The following SCOC variants were observed in gnomAD, a reference collection of about 807,000 sequenced individuals.
SCOC encodes short coiled coil protein.
In SCOC, 7 loss-of-function variants were observed where a neutral mutation model predicts 9.9. The ratio of observed to expected loss-of-function variants is 0.71; its 90% CI spans 0.40 to 1.33. SCOC has a LOEUF of 1.33. Ranked by LOEUF, SCOC falls within the 40% of genes most tolerant of loss-of-function variation. The pLI, the probability that SCOC is intolerant of heterozygous loss-of-function variation, is 0.01. For missense variants in SCOC, 66 were observed against 89.7 expected (o/e 0.74, Z 1.07); for synonymous variants, 19 against 28.2 (o/e 0.67, Z 1.03).
chr4:140,341,089 A>G (rs1726498157), upstream of SCOC, among the ~76,000 whole-genome samples: 1 of 151,962 alleles, frequency 6.6e-6, no homozygotes, highest in Non-Finnish European at 1.5e-5. Flanking sequence ...AGCCCAGCCG[A>G]GTTTTCTTTC....
intron 1 of SCOC, among the ~76,000 whole-genome samples, chr4:140,291,857 C>T (rs1234934534): frequency 6.6e-6 from 1 of 152,156 alleles, no homozygotes; most frequent in Non-Finnish European, 1.5e-5. Context: ...TGATGAATTT[C>T]CTTTCCCCAG....
intron 1 of SCOC, among the ~76,000 whole-genome samples, chr4:140,308,518 A>G (rs1169249761): frequency 6.6e-6 from 1 of 152,044 alleles, no homozygotes; most frequent in African/African-American, 2.4e-5. Flanking sequence ...GCCTCAGATC[A>G]CCCTCCTGCC....
Position 140,276,036 on chromosome 4 carries a change from C to T in SCOC, c.-19+18626C>T, listed in dbSNP as rs1383306594. ...TTGTTGTTGTTGAGACGGAGTCTCA[C>T]GATGTTGCCCAGGCTGTAGTGCAGT... is the stretch of plus-strand genomic sequence containing the variant. On this transcript the variant is annotated intron_variant, in intron 1 of 4. Transcript: ENST00000394205. 3.3e-5 allele frequency among the ~76,000 whole-genome samples: 5 copies of T among 151,814 alleles called. No homozygotes were observed. In the East Asian group the frequency reaches 7.7e-4, roughly 24 times the overall value.
At chr4:140,362,306 TTTTTTTTTTGTGAGAG>T (rs1727589300) in intron 2 of SCOC, among the ~76,000 whole-genome samples, 1 of 52,562 alleles carries the variant, frequency 1.9e-5, no homozygotes, top group African/African-American at 5.9e-5. Context: ...CTTCTTTTTT[TTTTTTTTTTGTGAGAG>T]TCTCGCTCTG....
intron 1 of SCOC, among the ~76,000 whole-genome samples, chr4:140,270,455 T>G (rs949817348): frequency 6.6e-6 from 1 of 152,110 alleles, no homozygotes; most frequent in African/African-American, 2.4e-5. Flanking sequence ...CACCTTACCC[T>G]CCCTAGTAGC....
At chr4:140,264,333 G>T (rs968745753) in intron 1 of SCOC, among the ~76,000 whole-genome samples, 1 of 152,116 alleles carries the variant, frequency 6.6e-6, no homozygotes, top group Non-Finnish European at 1.5e-5. Context: ...GTTCTGGACT[G>T]CTTACTTTTG....
At chr4:140,346,602 T>A (rs1726751096) in intron 2 of SCOC, among the ~76,000 whole-genome samples, 1 of 152,224 alleles carries the variant, frequency 6.6e-6, no homozygotes, top group South Asian at 2.1e-4. Flanking sequence ...ACTTTGAATT[T>A]TATTTATTTA....
intron 1 of SCOC, among the ~76,000 whole-genome samples, chr4:140,335,064 T>C (rs977644851): frequency 1.3e-5 from 2 of 152,270 alleles, no homozygotes; most frequent in Non-Finnish European, 2.9e-5. Flanking sequence ...TATATACATG[T>C]AAGAAATCTA....
intron 2 of SCOC, among the ~76,000 whole-genome samples, chr4:140,357,325 G>A (rs6536919): frequency 0.14 from 20,749 of 152,042 alleles, 1,618 homozygotes; most frequent in East Asian, 0.22. Context: ...TATTCCTACT[G>A]CCTTGAATTA....
At position 140,265,019 on chromosome 4, in the gene SCOC, A is replaced by AAT. The variant is rs566072798; in HGVS notation, c.-19+7620_-19+7621dup. On this transcript the variant is annotated intron_variant, in intron 1 of 4. Coordinates refer to the SCOC transcript ENST00000394205. ...TCTAGCGTAGCTATGCCTGGGCGTG[A>AAT]ATATATATATATTGAAATGCACATG... Among the ~76,000 whole-genome samples, 6 of 152,130 alleles carry AAT rather than the reference A, an allele frequency of 3.9e-5. No homozygotes were observed. The South Asian group carries it at 6.2e-4, about 16-fold the overall frequency.
At chr4:140,260,971 A>G (rs73858121) in intron 1 of SCOC, among the ~76,000 whole-genome samples, 2,363 of 152,322 alleles carry the variant, frequency 0.016, 56 homozygotes, top group African/African-American at 0.053. Flanking sequence ...AGCCTCATGT[A>G]TATTAAGAGC....
upstream of SCOC, among the ~76,000 whole-genome samples, chr4:140,341,692 C>T (rs1192331565): frequency 1.3e-5 from 2 of 152,176 alleles, no homozygotes; most frequent in East Asian, 3.8e-4. Context: ...ACCCTGTAGA[C>T]CTCCAACTAC....
At chr4:140,326,773 A>T (rs967148800) in intron 1 of SCOC, among the ~76,000 whole-genome samples, 1 of 152,180 alleles carries the variant, frequency 6.6e-6, no homozygotes, top group Non-Finnish European at 1.5e-5. Flanking sequence ...TACAATTCTT[A>T]TACACCTAGG....
At chr4:140,273,815 T>C (rs186260726) in intron 1 of SCOC, among the ~76,000 whole-genome samples, 42 of 152,364 alleles carry the variant, frequency 2.8e-4, no homozygotes, top group African/African-American at 3.4e-4. Flanking sequence ...ATTTGAATTA[T>C]GAAGTGATAA....
At chr4:140,299,490 G>A (rs1274071560) in intron 1 of SCOC, among the ~76,000 whole-genome samples, 2 of 152,160 alleles carry the variant, frequency 1.3e-5, no homozygotes, top group Non-Finnish European at 2.9e-5. Flanking sequence ...CTTAAAGTTA[G>A]AAGCTAAATA....
At chr4:140,343,671 C>T in exon 2 of SCOC, 2 of 1,613,692 alleles carry the variant, frequency 1.2e-6, no homozygotes, top group Non-Finnish European at 1.7e-6. Flanking sequence ...AGGAGGAAGA[C>T]AGCACATTCA....
At chr4:140,270,305 A>C (rs1441540242) in intron 1 of SCOC, among the ~76,000 whole-genome samples, 1 of 151,928 alleles carries the variant, frequency 6.6e-6, no homozygotes, top group Non-Finnish European at 1.5e-5. Flanking sequence ...ATCACCTTGG[A>C]ATTTGTTAGG....
At chr4:140,322,823 G>A (rs1732538352) in intron 1 of SCOC, among the ~76,000 whole-genome samples, 1 of 152,092 alleles carries the variant, frequency 6.6e-6, no homozygotes, top group South Asian at 2.1e-4. Context: ...CATTTGATAA[G>A]GAAATTAGTA....
At chr4:140,268,985 C>T (rs1291702757) in intron 1 of SCOC, among the ~76,000 whole-genome samples, 1 of 152,166 alleles carries the variant, frequency 6.6e-6, no homozygotes, top group Non-Finnish European at 1.5e-5. Context: ...TTCCAACTTA[C>T]AGTCATAAGA....
Sources: allele counts gnomAD v4.1 joint callset (sites outside exome capture counted in the v4.1 genomes callset), GRCh38; gene constraint gnomAD v4.1.1; transcripts MANE v1.5; gene names NCBI Gene and HGNC (gene_info 2026-07-23, HGNC 2026-07-21).